Variants in TMEM116 observed in about 807,000 individuals in gnomAD.
TMEM116 encodes transmembrane protein 116.
Under a neutral mutation model 44.3 loss-of-function variants are expected in TMEM116, and 38 were observed. The observed-to-expected ratio is 0.86, with a 90% CI of 0.66 to 1.12. The LOEUF is 1.12. TMEM116 is among the 50% of genes most tolerant of loss of function. TMEM116 has a pLI of 0.00. For missense variants in TMEM116, 354 were observed against 401.7 expected (o/e 0.88, Z 1.01); for synonymous variants, 132 against 144.8 (o/e 0.91, Z 0.64).
intron 3 of TMEM116, among the ~76,000 whole-genome samples, chr12:111,995,377 G>C (rs541967219): frequency 2.0e-5 from 3 of 152,076 alleles, no homozygotes; most frequent in South Asian, 2.1e-4. Flanking sequence ...TATGAAGCTA[G>C]AACAATTGGG....
intron 9 of TMEM116, 138 bp downstream of exon 9, chr12:111,933,747 CA>C (rs2071866364): frequency 1.0e-6 from 1 of 980,308 alleles, no homozygotes. Flanking sequence ...CCACCTGCCT[CA>C]GCCTCCCAAA....
At chr12:111,984,070 C>T (rs1251027934) in intron 4 of TMEM116, among the ~76,000 whole-genome samples, 1 of 152,100 alleles carries the variant, frequency 6.6e-6, no homozygotes, top group African/African-American at 2.4e-5. Flanking sequence ...AAAAAACTAT[C>T]GTCTATATGA....
intron 4 of TMEM116, among the ~76,000 whole-genome samples, chr12:111,979,383 C>G (rs1011121430): frequency 6.6e-6 from 1 of 152,038 alleles, no homozygotes; most frequent in Non-Finnish European, 1.5e-5. Flanking sequence ...AGAAGCCAGA[C>G]ACAAAATGTT....
intron 4 of TMEM116, among the ~76,000 whole-genome samples, chr12:111,971,160 C>T (rs888313699): frequency 4.6e-5 from 7 of 152,068 alleles, no homozygotes; most frequent in African/African-American, 1.7e-4. Flanking sequence ...TAAAGGGTGA[C>T]ATTTAGGCAG....
At chr12:111,940,561 ATGTG>A (rs1166549648) in intron 5 of TMEM116, among the ~76,000 whole-genome samples, 3 of 128,314 alleles carry the variant, frequency 2.3e-5, no homozygotes, top group African/African-American at 9.2e-5. Context: ...ACACATATAT[ATGTG>A]TGTATATATA....
chr12:111,949,152 AAAAC>A (rs1199094626), intron 4 of TMEM116, among the ~76,000 whole-genome samples: 1 of 152,142 alleles, frequency 6.6e-6, no homozygotes, highest in Non-Finnish European at 1.5e-5. Context: ...AACAAAAACA[AAAAC>A]AAAATCTTTT....
Position 112,003,795 on chromosome 12 carries a change from C to A in TMEM116, c.78+5G>T. ...TCAAATCCAACACAAAGAGAAATCA[C>A]TCACCTCTGGAGATTTCTGTATATT... On this transcript the variant is annotated splice_donor_5th_base_variant and intron_variant, in intron 3 of 10. Transcript: ENST00000552374. 1 of 1,511,148 alleles carries A rather than the reference C, an allele frequency of 6.6e-7. No individual in the cohort carries two copies. Among genetic ancestry groups the A allele is most frequent in the Non-Finnish European group, 8.8e-7 (1 of 1,139,640 alleles). The allele number at this position is 1,511,148 out of a possible 1,614,324, so 93.6% of individuals were successfully genotyped here. A position where few individuals can be genotyped will look rare whatever the true frequency, so the allele number is the denominator to read the frequency against.
chr12:111,946,267 A>G (rs1031015678), intron 4 of TMEM116, among the ~76,000 whole-genome samples: 2 of 152,222 alleles, frequency 1.3e-5, no homozygotes, highest in African/African-American at 2.4e-5. Flanking sequence ...AATTAAAGAC[A>G]CACACACAGA....
intron 9 of TMEM116, 138 bp downstream of exon 9, chr12:111,933,748 A>ACCTTG: frequency 1.0e-6 from 1 of 981,384 alleles, no homozygotes; most frequent in Non-Finnish European, 1.5e-6. Context: ...CACCTGCCTC[A>ACCTTG]GCCTCCCAAA....
chr12:111,932,585 C>A lies in TMEM116; in HGVS notation c.807+1G>T, dbSNP rs778024123. On this transcript the variant is annotated splice_donor_variant, in intron 10 of 10. Transcript: ENST00000552374. LOFTEE classifies it high-confidence loss of function. ...GAGATACTGAATGTTGAAGGTGTTACCTGGAGAACATAAAGGGCCATGTGA... is the reference window on the plus strand; with the variant it reads ...GAGATACTGAATGTTGAAGGTGTTAACTGGAGAACATAAAGGGCCATGTGA... 1 of 1,613,544 alleles carries A rather than the reference C, an allele frequency of 6.2e-7. No individual in the cohort carries two copies. Among genetic ancestry groups the A allele is most frequent in the Admixed American group, 1.7e-5 (1 of 60,014 alleles).
At chr12:111,974,654 CA>C (rs1203582338) in intron 4 of TMEM116, among the ~76,000 whole-genome samples, 58 of 45,194 alleles carry the variant, frequency 1.3e-3, no homozygotes, top group Non-Finnish European at 1.8e-3. Flanking sequence ...GACTCTGTCG[CA>C]AAAAAAAAAA....
At chr12:111,974,123 C>T (rs2075519125) in intron 4 of TMEM116, among the ~76,000 whole-genome samples, 1 of 151,654 alleles carries the variant, frequency 6.6e-6, no homozygotes, top group Non-Finnish European at 1.5e-5. Context: ...ATATAACATC[C>T]ATTCTCAATT....
At chr12:111,939,042 T>C (rs910681030) in intron 5 of TMEM116, among the ~76,000 whole-genome samples, 1 of 152,144 alleles carries the variant, frequency 6.6e-6, no homozygotes, top group Admixed American at 6.5e-5. Flanking sequence ...TAAATAAAAT[T>C]GTTTTTTGTG....
intron 4 of TMEM116, among the ~76,000 whole-genome samples, chr12:111,982,445 C>T (rs1029957886): frequency 1.3e-5 from 2 of 151,770 alleles, no homozygotes; most frequent in Non-Finnish European, 2.9e-5. Context: ...AAACTACAGG[C>T]GCATGCCACT....
intron 1 of TMEM116, 184 bp from the exon 2 acceptor site, chr12:112,005,487 T>C (rs973897377): frequency 1.8e-5 from 9 of 487,774 alleles, no homozygotes; most frequent in Non-Finnish European, 6.3e-6. Flanking sequence ...TGCTCCTTTT[T>C]TCCTCTCTTA....
intron 5 of TMEM116, among the ~76,000 whole-genome samples, chr12:111,940,918 C>A (rs1029242105): frequency 1.3e-5 from 2 of 152,094 alleles, no homozygotes; most frequent in Non-Finnish European, 2.9e-5. Context: ...ACTTGAAATG[C>A]TATCCCTGTA....
chr12:111,942,358 C>T (rs575738746), intron 5 of TMEM116, among the ~76,000 whole-genome samples: 14 of 150,802 alleles, frequency 9.3e-5, no homozygotes, highest in East Asian at 2.0e-4. Context: ...CTGCAAGCTC[C>T]GCCTCCCGGG....
intron 3 of TMEM116, chr12:112,003,567 CAAAAAA>C: frequency 3.6e-6 from 1 of 276,178 alleles, no homozygotes; most frequent in South Asian, 4.0e-5. Context: ...GACTCCGTCT[CAAAAAA>C]AAAAAAAAAA....
intron 9 of TMEM116, 151 bp downstream of exon 9, chr12:111,933,735 A>G: frequency 3.6e-6 from 3 of 826,984 alleles, no homozygotes. Context: ...TGACCTCGTG[A>G]TCCACCTGCC....
Sources: allele counts gnomAD v4.1 joint callset (sites outside exome capture counted in the v4.1 genomes callset), GRCh38; gene constraint gnomAD v4.1.1; transcripts MANE v1.5; gene names NCBI Gene and HGNC (gene_info 2026-07-23, HGNC 2026-07-21).